Variants in GRM8 observed in about 807,000 individuals in gnomAD.
The protein encoded by GRM8 is metabotropic glutamate receptor 8.
In GRM8, 47 loss-of-function variants were observed where a neutral mutation model predicts 87.2. The observed-to-expected ratio is 0.54, with a 90% CI of 0.43 to 0.69. The LOEUF (loss-of-function observed/expected upper bound fraction) is 0.69. Ranked by LOEUF, GRM8 falls within the 30% of genes least tolerant of loss-of-function variation. GRM8 has a pLI of 0.00. For missense variants in GRM8, 1,019 were observed against 1,139.2 expected, an observed-to-expected ratio of 0.89 and a Z score of 1.52; for synonymous variants, 396 against 404.5, an observed-to-expected ratio of 0.98 and a Z score of 0.25.
chr7:127,018,767 GAAC>G (rs1309266467), intron 3 of GRM8, among the ~76,000 whole-genome samples: 1 of 151,626 alleles, frequency 6.6e-6, no homozygotes, highest in Non-Finnish European at 1.5e-5. Flanking sequence ...TTCTTACCTT[GAAC>G]AACAGGTTGG....
chr7:127,157,644 G>GA (rs1792822666), intron 2 of GRM8, among the ~76,000 whole-genome samples: 2 of 152,012 alleles, frequency 1.3e-5, no homozygotes, highest in South Asian at 4.1e-4. Context: ...TATCATGGAT[G>GA]AAAAAAATAT....
chr7:126,575,720 T>C (rs373014484), intron 8 of GRM8, among the ~76,000 whole-genome samples: 1 of 152,254 alleles, frequency 6.6e-6, no homozygotes, highest in Middle Eastern at 3.4e-3. Context: ...TTTTTTGAAA[T>C]TGTAAGCCTG....
In GRM8 at chr7:126,756,821, C is replaced by T. The variant is rs1045616937; in HGVS notation, c.1357+13044G>A. 2.0e-5 allele frequency among the ~76,000 whole-genome samples: 3 copies of T among 152,132 alleles called. No individual in the cohort carries two copies. In the East Asian group the frequency reaches 5.8e-4, roughly 29 times the overall value. On this transcript the variant is annotated intron_variant, in intron 7 of 10. Coordinates refer to ENST00000339582, the MANE Select transcript of GRM8 (RefSeq NM_000845.3). ...TCAGAGAATGAACCTCAACATAGAA[C>T]TATGGATACTCCTATACATTCCACT...
At chr7:126,946,242 C>T (rs1807524925) in intron 3 of GRM8, among the ~76,000 whole-genome samples, 1 of 152,198 alleles carries the variant, frequency 6.6e-6, no homozygotes, top group African/African-American at 2.4e-5. Flanking sequence ...TGGCTCATGC[C>T]TGTAATCCCA....
chr7:126,907,812 A>T (rs1180815905), intron 3 of GRM8, among the ~76,000 whole-genome samples: 2 of 152,152 alleles, frequency 1.3e-5, no homozygotes, highest in Non-Finnish European at 2.9e-5. Flanking sequence ...CCAAGCAAGG[A>T]GGTATTGGAA....
chr7:126,899,296 C>T (rs1359698003), intron 6 of GRM8, among the ~76,000 whole-genome samples: 1 of 152,206 alleles, frequency 6.6e-6, no homozygotes, highest in East Asian at 1.9e-4. Flanking sequence ...ACTTAACTCT[C>T]CTTCCAAACC....
At chr7:126,801,880 A>T (rs1395616617) in intron 6 of GRM8, among the ~76,000 whole-genome samples, 1 of 152,162 alleles carries the variant, frequency 6.6e-6, no homozygotes, top group Non-Finnish European at 1.5e-5. Context: ...CTATACAAGG[A>T]ACTATTAATA....
chr7:126,474,631 G>C (rs978401328), intron 9 of GRM8, among the ~76,000 whole-genome samples: 1 of 152,154 alleles, frequency 6.6e-6, no homozygotes, highest in African/African-American at 2.4e-5. Context: ...GAGTCCTAGA[G>C]ATAGGCCGTG....
intron 3 of GRM8, among the ~76,000 whole-genome samples, chr7:126,991,469 C>T (rs1812647539): frequency 6.6e-6 from 1 of 152,132 alleles, no homozygotes; most frequent in Admixed American, 6.5e-5. Flanking sequence ...TAGGTATTTA[C>T]ACAAATTAAT....
At chr7:126,559,998 C>T (rs897458652) in intron 8 of GRM8, among the ~76,000 whole-genome samples, 1 of 152,182 alleles carries the variant, frequency 6.6e-6, no homozygotes, top group Non-Finnish European at 1.5e-5. Context: ...ACAAATGCAT[C>T]GCCACTTGAA....
In GRM8 at chr7:126,808,731, T is replaced by C. The variant is rs1172757671; in HGVS notation, c.1157-38666A>G. On this transcript the variant is annotated intron_variant, in intron 6 of 10. Transcript: ENST00000339582. ...GAAATTTTAATAGGAAGTGACTTAC[T>C]TTGCAAATTAAACTGTAGTATGAAA... Among the ~76,000 whole-genome samples, 4 of 152,202 alleles carry C rather than the reference T, an allele frequency of 2.6e-5. No homozygotes were observed. In the East Asian group the frequency reaches 7.7e-4, roughly 29 times the overall value.
At chr7:126,855,472 C>CTTTTT in intron 6 of GRM8, among the ~76,000 whole-genome samples, 1 of 136,976 alleles carries the variant, frequency 7.3e-6, no homozygotes, top group African/African-American at 2.7e-5. Context: ...TATGATTTAT[C>CTTTTT]TTTTTTTTTT....
chr7:126,855,308 T>G (rs1211164295), intron 6 of GRM8, among the ~76,000 whole-genome samples: 1 of 152,082 alleles, frequency 6.6e-6, no homozygotes, highest in Non-Finnish European at 1.5e-5. Flanking sequence ...CTAGCTAACT[T>G]GCATATTTTA....
intron 6 of GRM8, among the ~76,000 whole-genome samples, chr7:126,850,911 T>A (rs1797151879): frequency 1.3e-5 from 2 of 152,144 alleles, no homozygotes; most frequent in South Asian, 4.1e-4. Flanking sequence ...GTTGCTTTTG[T>A]CTAATCTCAT....
chr7:126,633,775 T>TATATGTACCATATAA (rs145929522), intron 7 of GRM8, among the ~76,000 whole-genome samples: 46,195 of 147,234 alleles, frequency 0.31, 7,950 homozygotes, highest in East Asian at 0.43. Flanking sequence ...TTAATCTATT[T>TATATGTACCATATAA]ATATGTACCA....
intron 3 of GRM8, among the ~76,000 whole-genome samples, chr7:127,100,626 C>A (rs74974798): frequency 1.3e-5 from 2 of 152,192 alleles, no homozygotes; most frequent in African/African-American, 4.8e-5. Flanking sequence ...GACAAAGTCA[C>A]GTCTTACATG....
chr7:127,201,204 A>T (rs1255533547), intron 2 of GRM8, among the ~76,000 whole-genome samples: 1 of 152,038 alleles, frequency 6.6e-6, no homozygotes, highest in Non-Finnish European at 1.5e-5. Context: ...TTATCAAATA[A>T]CTACTCTGTG....
At chr7:126,638,694 T>C (rs888688401) in intron 7 of GRM8, among the ~76,000 whole-genome samples, 7 of 152,178 alleles carry the variant, frequency 4.6e-5, no homozygotes, top group African/African-American at 7.2e-5. Flanking sequence ...TAAGATAACA[T>C]TCGCCTGTGA....
intron 3 of GRM8, among the ~76,000 whole-genome samples, chr7:126,955,351 A>C (rs1808567776): frequency 6.6e-6 from 1 of 152,162 alleles, no homozygotes; most frequent in African/African-American, 2.4e-5. Context: ...CAAAGGCTGT[A>C]AAATAACATT....
Sources: allele counts gnomAD v4.1 joint callset (sites outside exome capture counted in the v4.1 genomes callset), GRCh38; gene constraint gnomAD v4.1.1; transcripts MANE v1.5; gene names NCBI Gene and HGNC (gene_info 2026-07-23, HGNC 2026-07-21).